The following MKX variants were observed in gnomAD, a reference collection of about 807,000 sequenced individuals.
MKX encodes homeobox protein Mohawk.
MKX carries 13 observed loss-of-function variants against 36.0 expected under a neutral mutation model. That is an observed-to-expected ratio of 0.36 (90% CI 0.24 to 0.57). The LOEUF is 0.57. Ranked by LOEUF, MKX falls within the 20% of genes least tolerant of loss-of-function variation. The pLI, the probability that MKX is intolerant of heterozygous loss-of-function variation, is 0.79. For missense variants in MKX, 458 were observed against 456.4 expected (o/e 1.00, Z -0.03); for synonymous variants, 176 against 178.3 (o/e 0.99, Z 0.10).
At chr10:27,696,956 T>C (rs1564350437) in intron 5 of MKX, among the ~76,000 whole-genome samples, 1 of 152,232 alleles carries the variant, frequency 6.6e-6, no homozygotes, top group African/African-American at 2.4e-5. Flanking sequence ...AGGATCTAAC[T>C]GTTATACCCA....
chr10:27,738,120 TAG>T (rs1331122560), intron 3 of MKX, among the ~76,000 whole-genome samples: 1 of 152,080 alleles, frequency 6.6e-6, no homozygotes, highest in East Asian at 1.9e-4. Flanking sequence ...ATGTCTATTA[TAG>T]ACTGTTTCAA....
intron 5 of MKX, among the ~76,000 whole-genome samples, chr10:27,696,949 A>G (rs538679437): frequency 6.6e-6 from 1 of 152,290 alleles, no homozygotes; most frequent in African/African-American, 2.4e-5. Flanking sequence ...TTCTGTGAGG[A>G]TCTAACTGTT....
At chr10:27,701,187 G>T (rs574345970) in intron 5 of MKX, among the ~76,000 whole-genome samples, 1 of 151,904 alleles carries the variant, frequency 6.6e-6, no homozygotes, top group Non-Finnish European at 1.5e-5. Context: ...TGTGAAGTTA[G>T]TTAACGTAAG....
chr10:27,704,105 TA>T (rs1298150138), intron 5 of MKX, among the ~76,000 whole-genome samples: 2 of 152,024 alleles, frequency 1.3e-5, no homozygotes, highest in Non-Finnish European at 2.9e-5. Context: ...CTTATAACAA[TA>T]AAACAAACAG....
intron 5 of MKX, among the ~76,000 whole-genome samples, chr10:27,714,655 G>A (rs574530931): frequency 3.3e-5 from 5 of 152,126 alleles, no homozygotes; most frequent in African/African-American, 4.8e-5. Flanking sequence ...CTCAACCAAA[G>A]GAAGCTGATA....
intron 5 of MKX, among the ~76,000 whole-genome samples, chr10:27,706,240 AAT>A (rs148319824): frequency 2.0e-4 from 30 of 150,474 alleles, no homozygotes; most frequent in Admixed American, 1.1e-3. Context: ...ATAATATTCA[AAT>A]ATATATATAT....
At chr10:27,711,524 T>G (rs1256983770) in intron 5 of MKX, among the ~76,000 whole-genome samples, 2 of 144,116 alleles carry the variant, frequency 1.4e-5, no homozygotes, top group African/African-American at 5.3e-5. Flanking sequence ...CCTTCCTTCC[T>G]TCCTTCCTTC....
At chr10:27,736,620 G>A (rs139337631) in intron 3 of MKX, among the ~76,000 whole-genome samples, 209 of 151,652 alleles carry the variant, frequency 1.4e-3, no homozygotes, top group African/African-American at 4.8e-3. Flanking sequence ...GTGTGGCAAT[G>A]TTTGCACTGG....
Position 27,711,790 on chromosome 10 carries a change from T to C in MKX, c.838+22666A>G, listed in dbSNP as rs191802316. ...TAATAGAAATGGGGTCTCGGTATGT[T>C]GCCCAGACTGGTCTTGAACTCCTAG... On this transcript the variant is annotated intron_variant, in intron 5 of 6. Coordinates refer to ENST00000419761, the MANE Select transcript of MKX (RefSeq NM_173576.3). Among the ~76,000 whole-genome samples the C allele has an allele frequency of 1.7e-3, 262 of 151,068 alleles. 1 individual carries two copies. The highest frequency in any genetic ancestry group is 6.1e-3 in the African/African-American group (251 of 41,048).
chr10:27,678,195 A>G (rs1201231648), intron 5 of MKX, among the ~76,000 whole-genome samples: 1 of 152,162 alleles, frequency 6.6e-6, no homozygotes, highest in East Asian at 1.9e-4. Context: ...GTAAATCTTC[A>G]CTCAGTAAGG....
At chr10:27,714,976 T>C (rs1589679330) in intron 5 of MKX, among the ~76,000 whole-genome samples, 1 of 152,060 alleles carries the variant, frequency 6.6e-6, no homozygotes, top group Non-Finnish European at 1.5e-5. Flanking sequence ...CCAGGCAGGG[T>C]CTCTCTTCCT....
intron 5 of MKX, among the ~76,000 whole-genome samples, chr10:27,710,910 C>T (rs1235182490): frequency 1.3e-5 from 2 of 152,138 alleles, no homozygotes; most frequent in African/African-American, 2.4e-5. Flanking sequence ...CTGCCTGCCT[C>T]GGCCTCTCAA....
intron 5 of MKX, among the ~76,000 whole-genome samples, chr10:27,688,186 TAAA>T (rs980757729): frequency 7.0e-6 from 1 of 143,026 alleles, no homozygotes; most frequent in African/African-American, 2.6e-5. Context: ...AAGTCCTTGT[TAAA>T]AAAAAAAAAA....
Position 27,734,714 on chromosome 10 carries a change from C to T in MKX, c.580G>A (p.Glu194Lys), listed in dbSNP as rs762753004. The T allele has an allele frequency of 6.2e-7, 1 of 1,614,118 alleles. No homozygotes were observed. Among genetic ancestry groups the T allele is most frequent in the Admixed American group, 1.7e-5 (1 of 60,012 alleles). The change falls in exon 5 of 7, where the codon GAG (glutamate) becomes AAG (lysine). Residue 194 changes from glutamate to lysine, a missense_variant. By Grantham distance (56) the Glu-to-Lys change is moderately conservative. Around this residue, in one of 3 missense-constraint regions of MKX, gnomAD observed 297 missense variants for 304.4 expected, o/e 0.98. Coordinates refer to ENST00000419761, the MANE Select transcript of MKX (RefSeq NM_173576.3). The part of the protein sequence containing the change: ...TPVHHPVIKS[E>K]NSVIKAGVRP... ...ACTCCCGCTTTGATGACCGAATTCT[C>T]ACTTTTAATCACAGGATGGTGAACT...
chr10:27,705,241 A>C (rs1441785635), intron 5 of MKX, among the ~76,000 whole-genome samples: 3 of 73,986 alleles, frequency 4.1e-5, no homozygotes, highest in Non-Finnish European at 8.7e-5. Flanking sequence ...ATTGAATGCT[A>C]CACAGCTGTA....
chr10:27,719,460 C>T (rs1263334357), intron 5 of MKX, among the ~76,000 whole-genome samples: 3 of 152,054 alleles, frequency 2.0e-5, no homozygotes, highest in Non-Finnish European at 4.4e-5. Context: ...GTCATCTAAC[C>T]GCAGCATAAA....
In MKX at chr10:27,703,648, C is replaced by T. The variant is rs369194322; in HGVS notation, c.839-28094G>A. Among the ~76,000 whole-genome samples, 14 of 152,150 alleles carry T rather than the reference C, an allele frequency of 9.2e-5. No individual in the cohort carries two copies. In the East Asian group the frequency reaches 2.7e-3, roughly 29 times the overall value. On this transcript the variant is annotated intron_variant, in intron 5 of 6. Transcript: ENST00000419761. ...GCTTGGTGGCTCATACCTGTAATCC[C>T]AACACTTTGGGAGGCCGTAGCGGGC... is the stretch of plus-strand genomic sequence containing the variant.
intron 5 of MKX, among the ~76,000 whole-genome samples, chr10:27,723,129 A>C (rs1007317487): frequency 2.6e-5 from 4 of 152,180 alleles, no homozygotes; most frequent in African/African-American, 9.6e-5. Flanking sequence ...ATTTATGCTT[A>C]TACTTTTCCA....
At position 27,741,322 on chromosome 10, in the gene MKX, G is replaced by A. The variant is rs769854808; in HGVS notation, c.348+23C>T. ...CAGCCCCTCGCGGGAAAACGGATCA[G>A]GGTGTTAATGGGTCCTGATTACCTG... On this transcript the variant is annotated intron_variant, in intron 3 of 6. Transcript: ENST00000419761. The surrounding 1 kb of genome is among the most constrained non-coding windows in gnomAD (Gnocchi z 5.1). The A allele has an allele frequency of 1.2e-6, 2 of 1,609,282 alleles. No individual in the cohort carries two copies. The highest frequency in any genetic ancestry group is 1.7e-6 in the Non-Finnish European group (2 of 1,178,292).
Sources: allele counts gnomAD v4.1 joint callset (sites outside exome capture counted in the v4.1 genomes callset), GRCh38; gene constraint gnomAD v4.1.1; regional missense constraint gnomAD v4.1.1; non-coding constraint Gnocchi (gnomAD v3.1); transcripts MANE v1.5; gene names NCBI Gene and HGNC (gene_info 2026-07-23, HGNC 2026-07-21).